ARHGEF28: variants seen among roughly 807,000 people sequenced by gnomAD.
ARHGEF28 encodes 190 kDa guanine nucleotide exchange factor.
Under a neutral mutation model 206.6 loss-of-function variants are expected in ARHGEF28, and 152 were observed. The ratio of observed to expected loss-of-function variants is 0.74; its 90% CI spans 0.64 to 0.84. ARHGEF28 has a LOEUF of 0.84. Ranked by LOEUF, ARHGEF28 falls within the 40% of genes least tolerant of loss-of-function variation. The probability of loss-of-function intolerance (pLI) is 0.00; values close to 1 mark genes in which losing one functional copy is unlikely to be tolerated. For missense variants in ARHGEF28, 2,028 were observed against 2,073.2 expected (o/e 0.98, Z 0.42); for synonymous variants, 763 against 776.4 (o/e 0.98, Z 0.29).
chr5:73,736,095 T>C (rs901917844), intron 2 of ARHGEF28, among the ~76,000 whole-genome samples: 1 of 152,242 alleles, frequency 6.6e-6, no homozygotes, highest in Non-Finnish European at 1.5e-5. Context: ...ATCAGGTATT[T>C]ATTGAATGAA....
chr5:73,729,153 A>G (rs1269521670), intron 2 of ARHGEF28, among the ~76,000 whole-genome samples: 1 of 152,140 alleles, frequency 6.6e-6, no homozygotes, highest in African/African-American at 2.4e-5. Flanking sequence ...TGCCTGGCTC[A>G]GCCTCCTGAC....
chr5:73,922,955 A>G (rs773173407), intron 35 of ARHGEF28: 5 of 786,480 alleles, frequency 6.4e-6, no homozygotes, highest in Non-Finnish European at 1.0e-5. Flanking sequence ...CCTGAAAAAT[A>G]CCAAGTTTTG....
intron 35 of ARHGEF28, chr5:73,923,013 A>G: frequency 7.4e-7 from 1 of 1,356,328 alleles, no homozygotes; most frequent in Non-Finnish European, 1.0e-6. Context: ...GGGAAAAAAC[A>G]CAATGAATAT....
chr5:73,754,806 A>C (rs1446974123), intron 4 of ARHGEF28, among the ~76,000 whole-genome samples: 2 of 152,072 alleles, frequency 1.3e-5, no homozygotes, highest in Admixed American at 1.3e-4. Context: ...ATGTGATCCT[A>C]CTGCCTCAGA....
chr5:73,728,416 C>A lies in ARHGEF28; in HGVS notation c.34-21421C>A, dbSNP rs546700756. On this transcript the variant is annotated intron_variant, in intron 2 of 35. Transcript: ENST00000513042. ...GCAAGTCTGAAAACAAGTTTTCTTT[C>A]AAGTCAGATGTGCTATCTAAATCAA... is the stretch of plus-strand genomic sequence containing the variant. Among the ~76,000 whole-genome samples the A allele has an allele frequency of 1.1e-4, 17 of 152,232 alleles. No homozygotes were observed. In the East Asian group the frequency reaches 3.1e-3, roughly 28 times the overall value.
intron 9 of ARHGEF28, among the ~76,000 whole-genome samples, chr5:73,821,244 ATCAT>A (rs898081589): frequency 6.6e-6 from 1 of 152,174 alleles, no homozygotes; most frequent in African/African-American, 2.4e-5. Flanking sequence ...CTTGGCTTTC[ATCAT>A]TCATTCAGCC....
chr5:73,828,593 CT>C (rs1757061203), intron 9 of ARHGEF28, among the ~76,000 whole-genome samples: 1 of 115,092 alleles, frequency 8.7e-6, no homozygotes, highest in Non-Finnish European at 2.0e-5. Context: ...CTTTCCTTTC[CT>C]TTTTCCTTTC....
intron 4 of ARHGEF28, among the ~76,000 whole-genome samples, chr5:73,768,541 CTT>C (rs1385623952): frequency 6.6e-6 from 1 of 152,098 alleles, no homozygotes; most frequent in Non-Finnish European, 1.5e-5. Flanking sequence ...CCTGTAGCCT[CTT>C]TGTTTTGGCC....
intron 2 of ARHGEF28, among the ~76,000 whole-genome samples, chr5:73,726,551 T>C (rs1317431017): frequency 6.6e-6 from 1 of 152,230 alleles, no homozygotes; most frequent in Non-Finnish European, 1.5e-5. Context: ...GTAAATTAGT[T>C]CGGTGCAAAA....
intron 9 of ARHGEF28, among the ~76,000 whole-genome samples, chr5:73,807,322 A>G (rs1755570724): frequency 6.6e-6 from 1 of 152,106 alleles, no homozygotes; most frequent in Non-Finnish European, 1.5e-5. Context: ...AATTTTTCCT[A>G]ATTCTTTCAT....
At chr5:73,866,734 A>G (rs1396479852) in intron 18 of ARHGEF28, among the ~76,000 whole-genome samples, 2 of 152,220 alleles carry the variant, frequency 1.3e-5, no homozygotes, top group African/African-American at 2.4e-5. Flanking sequence ...TTTACATTGC[A>G]TACAAGAACC....
At chr5:73,779,560 G>A in intron 6 of ARHGEF28, among the ~76,000 whole-genome samples, 1 of 150,114 alleles carries the variant, frequency 6.7e-6, no homozygotes, top group East Asian at 1.9e-4. Flanking sequence ...TTGAAAGACG[G>A]GGGGTCAGGG....
intron 4 of ARHGEF28, among the ~76,000 whole-genome samples, chr5:73,769,604 T>C (rs998506671): frequency 6.6e-6 from 1 of 152,242 alleles, no homozygotes; most frequent in African/African-American, 2.4e-5. Flanking sequence ...ACATTAAGAT[T>C]ACTTTGAATT....
rs535541467 is a variant in ARHGEF28, at chr5:73,642,606, T to G, written c.-12+16284T>G. Among the ~76,000 whole-genome samples, 74 of 152,304 alleles carry G rather than the reference T, an allele frequency of 4.9e-4. 1 individual carries two copies. The highest frequency in any genetic ancestry group is 8.3e-4 in the South Asian group (4 of 4,822). On this transcript the variant is annotated intron_variant, in intron 1 of 35. Coordinates refer to ENST00000513042, the MANE Select transcript of ARHGEF28 (RefSeq NM_001177693.2). ...CCCAAGGATTACCCTGATTTTTTTTTTTGTTCTGTTCTACCACACTGAGCT... is the reference window on the plus strand; with the variant it reads ...CCCAAGGATTACCCTGATTTTTTTTGTTGTTCTGTTCTACCACACTGAGCT...
At chr5:73,747,846 AG>A (rs1035736592) in intron 2 of ARHGEF28, among the ~76,000 whole-genome samples, 1 of 152,184 alleles carries the variant, frequency 6.6e-6, no homozygotes, top group African/African-American at 2.4e-5. Flanking sequence ...ATGAATTACA[AG>A]ACTGTAATGT....
At chr5:73,861,720 T>C (rs887311774) in intron 16 of ARHGEF28, among the ~76,000 whole-genome samples, 1 of 152,240 alleles carries the variant, frequency 6.6e-6, no homozygotes, top group South Asian at 2.1e-4. Flanking sequence ...AGCATTCCTT[T>C]GCACATATCA....
intron 9 of ARHGEF28, among the ~76,000 whole-genome samples, chr5:73,806,105 AACTATAGTTACCTCATAGTT>A (rs1050411473): frequency 5.3e-5 from 8 of 151,220 alleles, no homozygotes; most frequent in African/African-American, 9.7e-5. Context: ...TTACATAGTT[AACTATAGTTACCTCATAGTT>A]ACTATAGTTA....
intron 9 of ARHGEF28, among the ~76,000 whole-genome samples, chr5:73,803,015 G>C (rs1755235060): frequency 6.6e-6 from 1 of 151,832 alleles, no homozygotes; most frequent in South Asian, 2.1e-4. Context: ...ATGCCAGGCA[G>C]CACAAGTTCT....
intron 9 of ARHGEF28, among the ~76,000 whole-genome samples, chr5:73,818,104 A>C (rs941173994): frequency 2.0e-5 from 3 of 152,074 alleles, no homozygotes; most frequent in Admixed American, 2.0e-4. Context: ...TTGGGAAAAG[A>C]GGGGGCTGGG....
Sources: gnomAD v4.1 joint callset for allele counts (sites outside exome capture counted in the v4.1 genomes callset) on GRCh38, gnomAD v4.1.1 for gene constraint, MANE v1.5 for transcripts, NCBI Gene and HGNC (gene_info 2026-07-23, HGNC 2026-07-21) for gene names.